The following C5orf47 variants were observed in gnomAD, a reference collection of about 807,000 sequenced individuals.
C5orf47 encodes the protein chromosome 5 open reading frame 47, also known as uncharacterized protein C5orf47.
A neutral mutation model predicts 20.6 loss-of-function variants in C5orf47; 20 were observed. That is an observed-to-expected ratio of 0.97 (90% confidence interval 0.68 to 1.41). The LOEUF is 1.41. C5orf47 is among the 40% of genes most tolerant of loss of function. The pLI, the probability that C5orf47 is intolerant of heterozygous loss-of-function variation, is 0.00. For synonymous variants in C5orf47, 106 were observed against 97.3 expected, an observed-to-expected ratio of 1.09 and a Z score of -0.53; for missense variants, 262 against 238.4, an observed-to-expected ratio of 1.10 and a Z score of -0.65.
At chr5:173,989,801 G>A (rs1758953488) in intron 1 of C5orf47, among the ~76,000 whole-genome samples, 1 of 152,224 alleles carries the variant, frequency 6.6e-6, no homozygotes. Context: ...CATAAGAGGA[G>A]AGGTTGTTGA....
In C5orf47 at chr5:173,989,556, T is replaced by G; in HGVS notation, c.293T>G (p.Val98Gly). The change falls in exon 1 of 5, where the codon GTT (valine) becomes GGT (glycine). Residue 98 changes from valine (V) to glycine (G), a missense_variant. Coordinates refer to ENST00000340147, the MANE Select transcript of C5orf47 (RefSeq NM_001144954.2). ...TCCTCCCAGCTGCGGGCATCGAGAG[T>G]TCAGAGCGGCACCAGACAGTCGGCG... ...SASSQLRASRVQSGTRQSARA... is the reference protein window; with the variant it reads ...SASSQLRASRGQSGTRQSARA... The G allele has an allele frequency of 1.3e-6, 2 of 1,504,258 alleles. No individual in the cohort carries two copies. The highest frequency in any genetic ancestry group is 1.8e-6 in the Non-Finnish European group (2 of 1,126,406). The allele number at this position is 1,504,258 out of a possible 1,614,324, so 93.2% of individuals were successfully genotyped here.
chr5:173,995,596 T>G (rs1306822618), intron 1 of C5orf47, among the ~76,000 whole-genome samples: 1 of 152,178 alleles, frequency 6.6e-6, no homozygotes, highest in Non-Finnish European at 1.5e-5. Context: ...GCTGTGAAGG[T>G]TAAATTAAGT....
intron 3 of C5orf47, among the ~76,000 whole-genome samples, 156 bp from the exon 4 acceptor site, chr5:174,001,040 T>A (rs751716755): frequency 6.6e-6 from 1 of 152,208 alleles, no homozygotes; most frequent in Non-Finnish European, 1.5e-5. Flanking sequence ...TTATTTTACA[T>A]TACAGTGTTA....
chr5:174,006,490 C>CA (rs1759295468), downstream of C5orf47, among the ~76,000 whole-genome samples: 1 of 152,024 alleles, frequency 6.6e-6, no homozygotes, highest in Non-Finnish European at 1.5e-5. Flanking sequence ...AGAAAAAAAA[C>CA]AAACAGTGGA....
intron 1 of C5orf47, among the ~76,000 whole-genome samples, chr5:173,997,707 A>G (rs913299335): frequency 6.7e-6 from 1 of 150,294 alleles, no homozygotes; most frequent in Non-Finnish European, 1.5e-5. Flanking sequence ...TTTGCCTGGG[A>G]GGGTGTGTGT....
At chr5:173,989,614 CGGGCGCGGCG>C (rs963931561) in intron 1 of C5orf47, 26 bp downstream of exon 1, 2 of 1,013,868 alleles carry the variant, frequency 2.0e-6, no homozygotes, top group Admixed American at 4.0e-5. Flanking sequence ...AGGGCGGGAC[CGGGCGCGGCG>C]GGGCGGGACG....
intron 1 of C5orf47, among the ~76,000 whole-genome samples, chr5:173,991,921 A>G (rs1351914602): frequency 1.3e-5 from 2 of 152,176 alleles, no homozygotes; most frequent in African/African-American, 2.4e-5. Context: ...TTCTGTAACT[A>G]TTAGAACCTA....
In C5orf47 at chr5:174,005,748, T is replaced by C. The variant is rs2113378743; in HGVS notation, c.*1494T>C. The stretch of plus-strand genomic sequence containing the variant: ...ATGTGTATGAGAGTTTTAGGTTTGC[T>C]TCAATGTATGTTTATATTTATGTGA... On this transcript the variant is annotated 3_prime_UTR_variant, in exon 5 of 5. Coordinates refer to ENST00000340147, the MANE Select transcript of C5orf47 (RefSeq NM_001144954.2). The C allele has an allele frequency of 6.6e-6, 1 of 152,464 alleles. No individual in the cohort carries two copies. Among genetic ancestry groups the C allele is most frequent in the Admixed American group, 6.5e-5 (1 of 15,302 alleles). The allele number at this position is 152,464 out of a possible 1,614,324, so 9.4% of individuals were successfully genotyped here.
chr5:173,996,075 G>T (rs1437751805), intron 1 of C5orf47, among the ~76,000 whole-genome samples: 1 of 152,178 alleles, frequency 6.6e-6, no homozygotes, highest in Non-Finnish European at 1.5e-5. Flanking sequence ...TTTTGGAAGT[G>T]GTGAATAATT....
At chr5:174,007,444 A>G (rs1407251761), downstream of C5orf47, among the ~76,000 whole-genome samples, 1 of 152,110 alleles carries the variant, frequency 6.6e-6, no homozygotes, top group Admixed American at 6.5e-5. Context: ...ATAGCAATTG[A>G]TGTGGCAGAT....
chr5:173,989,241 G>T lies in C5orf47; in HGVS notation c.-23G>T, dbSNP rs558306064. The T allele has an allele frequency of 6.8e-4, 934 of 1,371,372 alleles. 1 individual carries two copies. The Middle Eastern group carries it at 7.6e-3, about 11-fold the overall frequency. The allele number at this position is 1,371,372 out of a possible 1,614,324, so 85.0% of individuals were successfully genotyped here. On this transcript the variant is annotated 5_prime_UTR_variant, in exon 1 of 5. Transcript: ENST00000340147. ...GTGGCGTCGTGTTTGCTGAGGGCCC[G>T]GCTGCCGTTGACTGAGGCTGCGATG...
In C5orf47 at chr5:174,004,590, A is replaced by G. The variant is rs1759254741; in HGVS notation, c.*336A>G. On this transcript the variant is annotated 3_prime_UTR_variant, in exon 5 of 5. Transcript: ENST00000340147. ...CAATTGCATGAATTTTATAATTACC[A>G]GCTTTTCCATTTTATTAATGAGTCT... 1 of 152,276 alleles carries G rather than the reference A, an allele frequency of 6.6e-6. No homozygotes were observed. The highest frequency in any genetic ancestry group is 2.4e-5 in the African/African-American group (1 of 41,450). 9.4% of individuals were successfully genotyped at this position (152,276 alleles called of 1,614,324 possible).
intron 2 of C5orf47, among the ~76,000 whole-genome samples, chr5:173,999,027 A>G (rs894577401): frequency 1.3e-5 from 2 of 152,206 alleles, no homozygotes; most frequent in African/African-American, 2.4e-5. Context: ...AGCAATAATC[A>G]ATACTTCCTT....
intron 4 of C5orf47, among the ~76,000 whole-genome samples, chr5:174,001,463 T>C (rs1000964828): frequency 1.3e-5 from 2 of 152,054 alleles, no homozygotes; most frequent in South Asian, 4.1e-4. Context: ...CTCTCTGTAC[T>C]CCATGTTTTT....
rs189886308 is a variant in C5orf47 at position 173,993,427 on chromosome 5, G to T, written c.325+3839G>T. Among the ~76,000 whole-genome samples the T allele has an allele frequency of 6.7e-3, 1,028 of 152,306 alleles. 4 individuals carry two copies. The highest frequency in any genetic ancestry group is 0.01 in the Non-Finnish European group (709 of 68,030). On this transcript the variant is annotated intron_variant, in intron 1 of 4. Coordinates refer to ENST00000340147, the MANE Select transcript of C5orf47 (RefSeq NM_001144954.2). ...GGAGGCCAAGGTGGGCAGATCACGA[G>T]ATCAGGAGTTTGAGACCAGCCTGGC...
In C5orf47 at chr5:174,005,652, A is replaced by T. The variant is rs1759278330; in HGVS notation, c.*1398A>T. On this transcript the variant is annotated 3_prime_UTR_variant, in exon 5 of 5. Coordinates refer to ENST00000340147, the MANE Select transcript of C5orf47 (RefSeq NM_001144954.2). ...TTCAAATTTTAGCTTATGCAACTGA[A>T]GTCCATTGCAAAATGAGACATATTT... is the stretch of plus-strand genomic sequence containing the variant. 6.6e-6 allele frequency: 1 copy of T among 152,374 alleles called. No homozygotes were observed. The highest frequency in any genetic ancestry group is 2.4e-5 in the African/African-American group (1 of 41,468). The allele number at this position is 152,374 out of a possible 1,614,324, so 9.4% of individuals were successfully genotyped here. A position where few individuals can be genotyped will look rare whatever the true frequency, so the allele number is the denominator to read the frequency against.
chr5:173,998,840 A>G (rs1190856864), intron 2 of C5orf47, among the ~76,000 whole-genome samples: 1 of 152,232 alleles, frequency 6.6e-6, no homozygotes, highest in Non-Finnish European at 1.5e-5. Flanking sequence ...TGATAGTGAC[A>G]CATAACATTG....
chr5:174,008,397 C>G (rs569360103), downstream of C5orf47, among the ~76,000 whole-genome samples: 1 of 152,304 alleles, frequency 6.6e-6, no homozygotes, highest in East Asian at 1.9e-4. Flanking sequence ...GTCATATGAT[C>G]TGGAAGACCT....
In C5orf47 at chr5:173,992,270, C is replaced by T. The variant is rs144343221; in HGVS notation, c.325+2682C>T. Reference sequence around the variant, plus strand: ...TTTTTACTAAGCTAAGATTTGGGCCCGATACAGTGCCTCACACCTCTAAGT... The same window carrying T: ...TTTTTACTAAGCTAAGATTTGGGCCTGATACAGTGCCTCACACCTCTAAGT... On this transcript the variant is annotated intron_variant, in intron 1 of 4. Transcript: ENST00000340147. Among the ~76,000 whole-genome samples the T allele has an allele frequency of 6.8e-3, 1,017 of 149,630 alleles. 3 individuals are homozygous for T. Among genetic ancestry groups the T allele is most frequent in the Admixed American group, 0.011 (159 of 15,078 alleles).
Sources: gnomAD v4.1 joint callset for allele counts (sites outside exome capture counted in the v4.1 genomes callset) on GRCh38, gnomAD v4.1.1 for gene constraint, MANE v1.5 for transcripts, NCBI Gene and HGNC (gene_info 2026-07-23, HGNC 2026-07-21) for gene names.